Variants in SORCS2 observed in about 807,000 individuals in gnomAD.
SORCS2 encodes the protein VPS10 domain-containing receptor SorCS2.
A neutral mutation model predicts 141.6 loss-of-function variants in SORCS2; 100 were observed. That is an observed-to-expected ratio of 0.71 (90% CI 0.60 to 0.83). The LOEUF (loss-of-function observed/expected upper bound fraction) is 0.83. Among genes scored for constraint, SORCS2 ranks in the 40% least tolerant of loss-of-function variants. The pLI, the probability that SORCS2 is intolerant of heterozygous loss-of-function variation, is 0.00. For missense variants in SORCS2, 1,646 were observed against 1,560.2 expected (o/e 1.05, Z -0.93); for synonymous variants, 789 against 676.9 (o/e 1.17, Z -2.57).
intron 2 of SORCS2, among the ~76,000 whole-genome samples, chr4:7,417,080 G>A (rs937766972): frequency 3.9e-5 from 6 of 152,124 alleles, no homozygotes; most frequent in Non-Finnish European, 8.8e-5. Context: ...CCCCCACCCC[G>A]GGGTGGGAAA....
chr4:7,539,776 C>T (rs1712438906), intron 3 of SORCS2, among the ~76,000 whole-genome samples: 1 of 150,888 alleles, frequency 6.6e-6, no homozygotes, highest in Non-Finnish European at 1.5e-5. Flanking sequence ...GGGCCCCACC[C>T]CTTCCTGTTG....
At position 7,455,754 on chromosome 4, in the gene SORCS2, G is replaced by T. The variant is rs375630430; in HGVS notation, c.548+59399G>T. 2.1e-3 allele frequency among the ~76,000 whole-genome samples: 312 copies of T among 151,808 alleles called. 3 individuals are homozygous for T. Among genetic ancestry groups the T allele is most frequent in the Middle Eastern group, 6.9e-3 (2 of 288 alleles). On this transcript the variant is annotated intron_variant, in intron 2 of 26. Transcript: ENST00000507866. ...TCTTGGGGTCAGGCTCCGTCTTGGGGTCAGGCTCCGTGTTAGTGTCATGAG... is the reference window on the plus strand; with the variant it reads ...TCTTGGGGTCAGGCTCCGTCTTGGGTTCAGGCTCCGTGTTAGTGTCATGAG...
intron 1 of SORCS2, among the ~76,000 whole-genome samples, chr4:7,386,313 C>T (rs540450408): frequency 4.0e-5 from 4 of 100,422 alleles, no homozygotes; most frequent in African/African-American, 1.6e-4. Context: ...TACACATTTG[C>T]ACACACGCAC....
At chr4:7,403,960 T>C (rs59720852) in intron 2 of SORCS2, among the ~76,000 whole-genome samples, 5 of 8,138 alleles carry the variant, frequency 6.1e-4, no homozygotes, top group Admixed American at 1.7e-3. Flanking sequence ...CCTCCATGTG[T>C]GTATATATAT....
rs144665190 is a variant in SORCS2, at chr4:7,720,142, C to T, written c.2424+1959C>T. On this transcript the variant is annotated intron_variant, in intron 18 of 26. Transcript: ENST00000507866. ...ACACTCACACACTGTCTCACACACA[C>T]AGGCCAACCTATCTTGCAAACAGCA... Among the ~76,000 whole-genome samples, 851 of 152,300 alleles carry T rather than the reference C, an allele frequency of 5.6e-3. 7 individuals are homozygous for T. The highest frequency in any genetic ancestry group is 0.016 in the African/African-American group (683 of 41,560).
rs2108863341 is a variant in SORCS2, at chr4:7,638,310, A to G, written c.649-18A>G. On this transcript the variant is annotated intron_variant, in intron 3 of 26. Transcript: ENST00000507866. ...AGGGGCACCTGGCCCAGGCCTCACAACCCGCTTTGTGTTTCAGGTCATCCT... is the reference window on the plus strand; with the variant it reads ...AGGGGCACCTGGCCCAGGCCTCACAGCCCGCTTTGTGTTTCAGGTCATCCT... The G allele has an allele frequency of 6.7e-7, 1 of 1,496,844 alleles. No individual in the cohort carries two copies. Among genetic ancestry groups the G allele is most frequent in the South Asian group, 1.4e-5 (1 of 73,978 alleles). 92.7% of individuals were successfully genotyped at this position (1,496,844 alleles called of 1,614,324 possible). A position where few individuals can be genotyped will look rare whatever the true frequency, so the allele number is the denominator to read the frequency against.
chr4:7,412,928 GT>G (rs1725412795), intron 2 of SORCS2, among the ~76,000 whole-genome samples: 1 of 152,096 alleles, frequency 6.6e-6, no homozygotes, highest in Non-Finnish European at 1.5e-5. Context: ...GGGTTTTTGT[GT>G]TCTCTGCACC....
At chr4:7,595,140 T>C (rs1311313125) in intron 3 of SORCS2, among the ~76,000 whole-genome samples, 1 of 152,152 alleles carries the variant, frequency 6.6e-6, no homozygotes, top group East Asian at 1.9e-4. Context: ...CTCCTCCTCG[T>C]GTGTAGTAAT....
chr4:7,448,206 G>A (rs539538611), intron 2 of SORCS2, among the ~76,000 whole-genome samples: 1 of 152,292 alleles, frequency 6.6e-6, no homozygotes, highest in East Asian at 1.9e-4. Context: ...TGGCGTGCAA[G>A]CAAGCAGGGA....
chr4:7,209,993 C>T (rs938538709), intron 1 of SORCS2, among the ~76,000 whole-genome samples: 1 of 152,188 alleles, frequency 6.6e-6, no homozygotes, highest in Non-Finnish European at 1.5e-5. Flanking sequence ...GGTTACAGCC[C>T]TCTGGGACGG....
intron 1 of SORCS2, among the ~76,000 whole-genome samples, chr4:7,330,001 G>C (rs1264638433): frequency 6.6e-6 from 1 of 152,024 alleles, no homozygotes; most frequent in Admixed American, 6.5e-5. Context: ...TCAAGGTGTT[G>C]GCAGGTGCGG....
intron 3 of SORCS2, among the ~76,000 whole-genome samples, chr4:7,540,928 C>T (rs1359660064): frequency 3.3e-5 from 5 of 152,208 alleles, no homozygotes; most frequent in Non-Finnish European, 7.4e-5. Context: ...AACCGGCCAG[C>T]GCCCCACCCA....
intron 2 of SORCS2, among the ~76,000 whole-genome samples, chr4:7,469,342 G>A (rs1729831714): frequency 6.6e-6 from 1 of 152,182 alleles, no homozygotes; most frequent in South Asian, 2.1e-4. Context: ...AGAACGCAGA[G>A]ACAGTGCTCA....
chr4:7,493,073 C>T (rs935645080), intron 2 of SORCS2, among the ~76,000 whole-genome samples: 1 of 152,222 alleles, frequency 6.6e-6, no homozygotes, highest in Non-Finnish European at 1.5e-5. Context: ...GGGGTGTGGC[C>T]ATGCTCCTGC....
chr4:7,669,776 A>G lies in SORCS2; in HGVS notation c.1161+2563A>G, dbSNP rs570026925. Among the ~76,000 whole-genome samples the G allele has an allele frequency of 1.3e-4, 20 of 152,368 alleles. No individual in the cohort carries two copies. In the South Asian group the frequency reaches 3.3e-3, roughly 25 times the overall value. ...CTTGGTCTCCCGGCATTCCTCAGCC[A>G]TATGCAAAAGGGCTTTTACGTAGCT... On this transcript the variant is annotated intron_variant, in intron 8 of 26. Coordinates refer to ENST00000507866, the MANE Select transcript of SORCS2 (RefSeq NM_020777.3).
intron 1 of SORCS2, among the ~76,000 whole-genome samples, chr4:7,316,848 G>A (rs1205201381): frequency 6.6e-6 from 1 of 152,212 alleles, no homozygotes; most frequent in Non-Finnish European, 1.5e-5. Context: ...TCCTGAGGAA[G>A]AAGTGAGACC....
chr4:7,199,925 G>C (rs569096561), intron 1 of SORCS2, among the ~76,000 whole-genome samples: 20 of 152,052 alleles, frequency 1.3e-4, no homozygotes, highest in Admixed American at 2.6e-4. Context: ...CTGAGGGACC[G>C]ACACTCCCGG....
At chr4:7,302,067 C>A (rs1031885520) in intron 1 of SORCS2, among the ~76,000 whole-genome samples, 3 of 152,284 alleles carry the variant, frequency 2.0e-5, no homozygotes, top group Admixed American at 6.5e-5. Flanking sequence ...TCCGTACCTG[C>A]ATCCCGGCTT....
intron 3 of SORCS2, among the ~76,000 whole-genome samples, chr4:7,542,925 C>T (rs1340912583): frequency 6.6e-6 from 1 of 152,228 alleles, no homozygotes; most frequent in African/African-American, 2.4e-5. Flanking sequence ...CAGGAGATGC[C>T]AGCCCCCTTC....
Sources: gnomAD v4.1 joint callset for allele counts (sites outside exome capture counted in the v4.1 genomes callset) on GRCh38, gnomAD v4.1.1 for gene constraint, MANE v1.5 for transcripts, NCBI Gene and HGNC (gene_info 2026-07-23, HGNC 2026-07-21) for gene names.